NRDC: variants seen among roughly 807,000 people sequenced by gnomAD.
NRDC encodes the protein nardilysin convertase.
Under a neutral mutation model 147.1 loss-of-function variants are expected in NRDC, and 54 were observed. The ratio of observed to expected loss-of-function variants is 0.37; its 90% CI spans 0.29 to 0.46. The LOEUF is 0.46. Ranked by LOEUF, NRDC falls within the 20% of genes least tolerant of loss-of-function variation. The pLI is 1.00. For synonymous variants in NRDC, 440 were observed against 482.1 expected (o/e 0.91, Z 1.14); for missense variants, 1,082 against 1,370.6 (o/e 0.79, Z 3.33).
At chr1:51,835,664 A>G (rs1343028289) in intron 3 of NRDC, among the ~76,000 whole-genome samples, 1 of 151,494 alleles carries the variant, frequency 6.6e-6, no homozygotes, top group Non-Finnish European at 1.5e-5. Context: ...ATGGGGTTTC[A>G]CCATGTTGGC....
At chr1:51,827,180 T>C (rs1680485086) in intron 5 of NRDC, among the ~76,000 whole-genome samples, 1 of 152,160 alleles carries the variant, frequency 6.6e-6, no homozygotes. Flanking sequence ...TAAACAGGGG[T>C]CTGTTGACTT....
At chr1:51,833,193 G>A (rs893883939) in intron 4 of NRDC, among the ~76,000 whole-genome samples, 3 of 152,010 alleles carry the variant, frequency 2.0e-5, no homozygotes, top group Non-Finnish European at 4.4e-5. Flanking sequence ...GGGCAAAGTG[G>A]CTCACACCTA....
chr1:51,790,588 C>T lies in NRDC; in HGVS notation c.3113G>A (p.Arg1038Lys). The T allele has an allele frequency of 6.2e-7, 1 of 1,614,082 alleles. No homozygotes were observed. The highest frequency in any genetic ancestry group is 8.5e-7 in the Non-Finnish European group (1 of 1,179,942). The change falls in exon 29 of 31, where the codon AGG (arginine) becomes AAG (lysine). Residue 1038 changes from arginine (R) to lysine (K), a missense_variant. Around this residue, in one of 3 missense-constraint regions of NRDC, gnomAD observed 187 missense variants for 193.6 expected, o/e 0.97. Coordinates refer to ENST00000352171, the MANE Select transcript of NRDC (RefSeq NM_001101662.2). ...CTGTGTAACCACTTCATTCCAGTTC[C>T]TATCCACCTCCTCCCCAAGGTGGGT... ...EDTHLGEEVD[R>K]NWNEVVTQQY...
intron 3 of NRDC, among the ~76,000 whole-genome samples, chr1:51,835,281 G>A (rs985037630): frequency 3.3e-5 from 5 of 151,672 alleles, no homozygotes; most frequent in African/African-American, 1.2e-4. Flanking sequence ...GGCTGGTCTC[G>A]AACTCCTGAC....
intron 1 of NRDC, among the ~76,000 whole-genome samples, chr1:51,843,228 A>G (rs976136861): frequency 6.6e-6 from 1 of 152,012 alleles, no homozygotes; most frequent in African/African-American, 2.4e-5. Context: ...ACTGAAGGCA[A>G]TTAAAAAGCA....
chr1:51,819,701 G>T, intron 9 of NRDC, 99 bp downstream of exon 9: 1 of 919,072 alleles, frequency 1.1e-6, no homozygotes, highest in Non-Finnish European at 1.7e-6. Flanking sequence ...TGTATTTTCT[G>T]TTGTGTTCTC....
At chr1:51,834,638 C>T (rs2149218259) in intron 3 of NRDC, among the ~76,000 whole-genome samples, 1 of 151,992 alleles carries the variant, frequency 6.6e-6, no homozygotes, top group Non-Finnish European at 1.5e-5. Context: ...TTCTTCATTA[C>T]ATTTGATTTT....
intron 8 of NRDC, among the ~76,000 whole-genome samples, chr1:51,820,201 G>C (rs1436731671): frequency 6.6e-6 from 1 of 152,208 alleles, no homozygotes; most frequent in African/African-American, 2.4e-5. Context: ...ATTCCAGAAA[G>C]AAACAAACTA....
intron 1 of NRDC, among the ~76,000 whole-genome samples, chr1:51,853,726 T>A (rs1682099796): frequency 6.6e-6 from 1 of 151,738 alleles, no homozygotes; most frequent in Admixed American, 6.6e-5. Flanking sequence ...CAGGGAGGAG[T>A]GTGTATGGTT....
At chr1:51,809,847 G>A (rs1178489431) in intron 16 of NRDC, among the ~76,000 whole-genome samples, 9 of 151,896 alleles carry the variant, frequency 5.9e-5, no homozygotes, top group Non-Finnish European at 2.9e-5. Flanking sequence ...AGAAGTTGCA[G>A]TGAGCCAAGA....
chr1:51,804,323 T>G (rs1202484308), intron 19 of NRDC, among the ~76,000 whole-genome samples: 1 of 152,242 alleles, frequency 6.6e-6, no homozygotes, highest in East Asian at 1.9e-4. Flanking sequence ...ATGCATTTTT[T>G]AGAGTGAATA....
At chr1:51,815,263 A>G (rs967218093) in intron 11 of NRDC, among the ~76,000 whole-genome samples, 2 of 150,302 alleles carry the variant, frequency 1.3e-5, no homozygotes, top group African/African-American at 4.9e-5. Flanking sequence ...GGCTCAAGCA[A>G]TCCTCCACCT....
At chr1:51,812,166 A>C in intron 14 of NRDC, 68 bp from the exon 15 acceptor site, 1 of 1,083,538 alleles carries the variant, frequency 9.2e-7, no homozygotes. Context: ...CACAACATAC[A>C]AATACTTTCT....
chr1:51,814,005 A>T, intron 14 of NRDC, 30 bp downstream of exon 14: 7 of 1,451,314 alleles, frequency 4.8e-6, no homozygotes, highest in Non-Finnish European at 6.8e-6. Context: ...AGTCACAGAT[A>T]ACATGCAAAA....
chr1:51,809,218 A>C, intron 17 of NRDC, 97 bp downstream of exon 17: 2 of 827,424 alleles, frequency 2.4e-6, no homozygotes, highest in East Asian at 2.5e-5. Context: ...GGAATCTCAA[A>C]TATAAATTCC....
At position 51,800,612 on chromosome 1, in the gene NRDC, A is replaced by G; in HGVS notation, c.2385T>C (p.Thr795=). Residue 795 remains threonine (T), a synonymous_variant, in exon 21 of 31, where the codon ACT becomes ACC. Coordinates refer to ENST00000352171, the MANE Select transcript of NRDC (RefSeq NM_001101662.2). ...NSTPAVFTMI[T]EQLKKTYFNI... ...TAAAGTAGGTCTTCTTCAACTGCTC[A>G]GTTATCATTGTAAAGACAGCTGGTG... is the stretch of plus-strand genomic sequence containing the variant. 1 of 1,614,128 alleles carries G rather than the reference A, an allele frequency of 6.2e-7. No individual in the cohort carries two copies.
rs779328600 is a variant in NRDC at position 51,789,341 on chromosome 1, G to A, written c.3351C>T (p.Tyr1117=). 1 of 1,614,030 alleles carries A rather than the reference G, an allele frequency of 6.2e-7. No individual in the cohort carries two copies. Among genetic ancestry groups the A allele is most frequent in the Non-Finnish European group, 8.5e-7 (1 of 1,179,896 alleles). ...CTGCCAGCAGAGGAGAGGTTGGCAG[G>A]TAGGTCAGCTGCATCACTTCACAAG... ...NSSCEVMQLT[Y]LPTSPLLADC... Residue 1117 remains tyrosine (Y), a synonymous_variant, in exon 31 of 31, where the codon TAC becomes TAT. Coordinates refer to ENST00000352171, the MANE Select transcript of NRDC (RefSeq NM_001101662.2).
At position 51,820,273 on chromosome 1, in the gene NRDC, A is replaced by G. The variant is rs143577810; in HGVS notation, c.1218-400T>C. On this transcript the variant is annotated intron_variant, in intron 8 of 30. Transcript: ENST00000352171. ...AAGTGAATATTAGGTATAAAGCACT[A>G]TATTAGGCACTGTGGTATTTAAAAG... is the stretch of plus-strand genomic sequence containing the variant. Among the ~76,000 whole-genome samples, 1,121 of 152,304 alleles carry G rather than the reference A, an allele frequency of 7.4e-3. 14 individuals carry two copies. Among genetic ancestry groups the G allele is most frequent in the African/African-American group, 0.026 (1,074 of 41,570 alleles).
At chr1:51,813,879 G>A (rs1251516456) in intron 14 of NRDC, among the ~76,000 whole-genome samples, 156 bp downstream of exon 14, 1 of 152,040 alleles carries the variant, frequency 6.6e-6, no homozygotes. Context: ...AAACCCAATA[G>A]TTAATTTTCA....
Sources: allele counts gnomAD v4.1 joint callset (sites outside exome capture counted in the v4.1 genomes callset), GRCh38; gene constraint gnomAD v4.1.1; regional missense constraint gnomAD v4.1.1; transcripts MANE v1.5; gene names NCBI Gene and HGNC (gene_info 2026-07-23, HGNC 2026-07-21).